The following LUZP2 variants were observed in gnomAD, a reference collection of about 807,000 sequenced individuals.
The protein encoded by LUZP2 is leucine zipper protein 2.
A neutral mutation model predicts 51.6 loss-of-function variants in LUZP2; 52 were observed. The ratio of observed to expected loss-of-function variants is 1.01; its 90% CI spans 0.81 to 1.27. The LOEUF (loss-of-function observed/expected upper bound fraction) is 1.27. Among genes scored for constraint, LUZP2 ranks in the 50% most tolerant of loss-of-function variants. LUZP2 has a pLI of 0.00. For missense variants in LUZP2, 436 were observed against 395.4 expected, an observed-to-expected ratio of 1.10 and a Z score of -0.87; for synonymous variants, 154 against 137.3, an observed-to-expected ratio of 1.12 and a Z score of -0.85.
chr11:24,848,090 C>T (rs542320581), intron 5 of LUZP2, among the ~76,000 whole-genome samples: 62 of 152,138 alleles, frequency 4.1e-4, no homozygotes, highest in African/African-American at 1.4e-3. Flanking sequence ...CTCATTGCTA[C>T]TGGGTGTCAT....
At chr11:24,865,163 G>A (rs1851852410) in intron 5 of LUZP2, among the ~76,000 whole-genome samples, 1 of 152,172 alleles carries the variant, frequency 6.6e-6, no homozygotes, top group Non-Finnish European at 1.5e-5. Flanking sequence ...TTGAATAACA[G>A]CTGTGCCATG....
chr11:24,986,122 C>T (rs1856181091), intron 9 of LUZP2, among the ~76,000 whole-genome samples: 1 of 151,646 alleles, frequency 6.6e-6, no homozygotes, highest in African/African-American at 2.4e-5. Context: ...GCATGCATGT[C>T]ACTGTGTTTA....
At chr11:24,634,331 A>T (rs1427543310) in intron 1 of LUZP2, among the ~76,000 whole-genome samples, 1 of 152,090 alleles carries the variant, frequency 6.6e-6, no homozygotes, top group Non-Finnish European at 1.5e-5. Flanking sequence ...ATCAGATACA[A>T]ACATTATGGT....
intron 9 of LUZP2, among the ~76,000 whole-genome samples, chr11:25,045,138 C>T (rs964030483): frequency 2.0e-5 from 3 of 151,264 alleles, no homozygotes; most frequent in African/African-American, 4.9e-5. Flanking sequence ...AGCACACCAA[C>T]ATGGCACATG....
intron 1 of LUZP2, among the ~76,000 whole-genome samples, chr11:24,724,406 C>A (rs1289751581): frequency 1.3e-5 from 2 of 152,040 alleles, no homozygotes; most frequent in South Asian, 2.1e-4. Flanking sequence ...CCTCTCTCTA[C>A]TAAGAATAGA....
At chr11:25,027,884 AGGT>A (rs772870933) in intron 9 of LUZP2, among the ~76,000 whole-genome samples, 108 of 139,932 alleles carry the variant, frequency 7.7e-4, no homozygotes, top group African/African-American at 2.4e-3. Flanking sequence ...AAAAAAAAAA[AGGT>A]GTTTAGATTT....
intron 1 of LUZP2, among the ~76,000 whole-genome samples, chr11:24,708,276 G>A (rs2133924875): frequency 6.6e-6 from 1 of 152,270 alleles, no homozygotes; most frequent in African/African-American, 2.4e-5. Context: ...TCTTCCACAA[G>A]AAAACCTCAT....
chr11:24,647,832 A>C (rs559963586), intron 1 of LUZP2, among the ~76,000 whole-genome samples: 1 of 152,020 alleles, frequency 6.6e-6, no homozygotes, highest in African/African-American at 2.4e-5. Context: ...AAATAACTAT[A>C]TCTATTTTAA....
chr11:24,995,308 G>T (rs1025661426), intron 9 of LUZP2, among the ~76,000 whole-genome samples: 1 of 152,046 alleles, frequency 6.6e-6, no homozygotes, highest in Non-Finnish European at 1.5e-5. Flanking sequence ...GAGAAGGATG[G>T]CTTCAGCAAG....
chr11:24,761,848 T>G (rs1036555107), intron 4 of LUZP2, among the ~76,000 whole-genome samples: 7 of 151,952 alleles, frequency 4.6e-5, no homozygotes, highest in African/African-American at 1.5e-4. Flanking sequence ...AAAGTAATAG[T>G]ATTTATTTTT....
chr11:24,691,004 AT>A (rs1406348776), intron 1 of LUZP2, among the ~76,000 whole-genome samples: 5 of 152,114 alleles, frequency 3.3e-5, no homozygotes, highest in African/African-American at 1.2e-4. Context: ...CTGTTTAAAA[AT>A]AATGCAGTTT....
chr11:24,641,955 A>G (rs1032627705), intron 1 of LUZP2, among the ~76,000 whole-genome samples: 1 of 151,846 alleles, frequency 6.6e-6, no homozygotes, highest in African/African-American at 2.4e-5. Flanking sequence ...GTGCAGTGGC[A>G]CGATTTTGGC....
chr11:24,801,333 A>G (rs1316897553), intron 5 of LUZP2, among the ~76,000 whole-genome samples: 2 of 152,076 alleles, frequency 1.3e-5, no homozygotes, highest in Non-Finnish European at 2.9e-5. Flanking sequence ...TGAATGCTCC[A>G]TTAAAGACAC....
At chr11:24,808,918 T>G (rs1431660594) in intron 5 of LUZP2, among the ~76,000 whole-genome samples, 2 of 152,202 alleles carry the variant, frequency 1.3e-5, no homozygotes, top group East Asian at 3.8e-4. Flanking sequence ...AACCAATAGT[T>G]TATATCAATT....
intron 7 of LUZP2, among the ~76,000 whole-genome samples, chr11:24,915,794 TA>T (rs887164414): frequency 5.2e-4 from 78 of 149,346 alleles, no homozygotes; most frequent in Non-Finnish European, 7.3e-4. Flanking sequence ...TTCTTGCCAT[TA>T]AAAAAAAATG....
chr11:24,824,209 C>A (rs1200100001), intron 5 of LUZP2, among the ~76,000 whole-genome samples: 7 of 147,096 alleles, frequency 4.8e-5, no homozygotes, highest in African/African-American at 1.7e-4. Context: ...ACTAAATATA[C>A]AAAAAAATTA....
intron 1 of LUZP2, among the ~76,000 whole-genome samples, chr11:24,595,031 A>T (rs538658164): frequency 3.3e-5 from 5 of 152,018 alleles, no homozygotes; most frequent in Non-Finnish European, 7.4e-5. Context: ...AAATGCTGGG[A>T]TTACAGGCGT....
At chr11:25,062,459 A>C (rs1288439311) in intron 10 of LUZP2, among the ~76,000 whole-genome samples, 4 of 149,824 alleles carry the variant, frequency 2.7e-5, no homozygotes, top group Non-Finnish European at 6.0e-5. Flanking sequence ...ATGTGGTGGC[A>C]TTTGCCTGTA....
At chr11:24,649,972 C>G (rs545574336) in intron 1 of LUZP2, among the ~76,000 whole-genome samples, 19 of 134,466 alleles carry the variant, frequency 1.4e-4, no homozygotes, top group Non-Finnish European at 2.8e-4. Flanking sequence ...CACATACACA[C>G]AGAGACACAC....
Sources: allele counts gnomAD v4.1 joint callset (sites outside exome capture counted in the v4.1 genomes callset), GRCh38; gene constraint gnomAD v4.1.1; transcripts MANE v1.5; gene names NCBI Gene and HGNC (gene_info 2026-07-23, HGNC 2026-07-21).